The following ACTL8 variants were observed in gnomAD, a reference collection of about 807,000 sequenced individuals.
ACTL8 encodes actin like 8.
In ACTL8, 3 loss-of-function variants were observed where a neutral mutation model predicts 9.3. That is an observed-to-expected ratio of 0.32 (90% CI 0.15 to 0.83). ACTL8 has a LOEUF of 0.83. Among genes scored for constraint, ACTL8 ranks in the 40% least tolerant of loss-of-function variants. The pLI is 0.57. For synonymous variants in ACTL8, 224 were observed against 205.9 expected (o/e 1.09, Z -0.75); for missense variants, 381 against 492.2 (o/e 0.77, Z 2.14).
chr1:17,808,226 C>T (rs1210873018), intron 1 of ACTL8, among the ~76,000 whole-genome samples: 2 of 152,182 alleles, frequency 1.3e-5, no homozygotes, highest in African/African-American at 4.8e-5. Flanking sequence ...GCAAACATTG[C>T]ACAGACTTGA....
chr1:17,787,896 A>G (rs1001713748), intron 1 of ACTL8, among the ~76,000 whole-genome samples: 3 of 152,196 alleles, frequency 2.0e-5, no homozygotes, highest in Non-Finnish European at 4.4e-5. Flanking sequence ...GTTTTCCTGT[A>G]TCTTGCCAGC....
intron 1 of ACTL8, among the ~76,000 whole-genome samples, chr1:17,791,088 T>A (rs1159269677): frequency 6.6e-6 from 1 of 152,092 alleles, no homozygotes; most frequent in Non-Finnish European, 1.5e-5. Context: ...TGGCTGCAGC[T>A]GTGCCTGGCA....
chr1:17,761,067 T>C (rs2065998552), intron 1 of ACTL8, among the ~76,000 whole-genome samples: 1 of 151,834 alleles, frequency 6.6e-6, no homozygotes, highest in Non-Finnish European at 1.5e-5. Flanking sequence ...GGGTGGGTGC[T>C]TCACTGCAGA....
intron 1 of ACTL8, among the ~76,000 whole-genome samples, chr1:17,789,817 C>T (rs1266984405): frequency 3.9e-5 from 6 of 152,080 alleles, no homozygotes; most frequent in East Asian, 1.9e-4. Context: ...CTGACCATAC[C>T]GTTGTTATAG....
chr1:17,781,098 C>G (rs955232545), intron 1 of ACTL8, among the ~76,000 whole-genome samples: 1 of 152,130 alleles, frequency 6.6e-6, no homozygotes, highest in Non-Finnish European at 1.5e-5. Flanking sequence ...TCCTTCCTTC[C>G]TCTTCCAGCT....
intron 1 of ACTL8, among the ~76,000 whole-genome samples, chr1:17,790,723 ACTGT>A (rs934334405): frequency 2.0e-5 from 3 of 152,294 alleles, no homozygotes; most frequent in East Asian, 1.9e-4. Context: ...TACCCAGGAA[ACTGT>A]CTGCCTCCTG....
At chr1:17,768,031 G>T (rs1569995610) in intron 1 of ACTL8, among the ~76,000 whole-genome samples, 1 of 152,158 alleles carries the variant, frequency 6.6e-6, no homozygotes, top group South Asian at 2.1e-4. Context: ...GGCTCCGTGT[G>T]TGTAAGCAAT....
intron 1 of ACTL8, among the ~76,000 whole-genome samples, chr1:17,763,849 A>G (rs923856403): frequency 6.6e-6 from 1 of 152,160 alleles, no homozygotes; most frequent in African/African-American, 2.4e-5. Flanking sequence ...CTCGGGAAAC[A>G]GGGGTTGGCC....
chr1:17,758,934 G>A (rs1238430458), intron 1 of ACTL8, among the ~76,000 whole-genome samples: 1 of 152,184 alleles, frequency 6.6e-6, no homozygotes, highest in African/African-American at 2.4e-5. Context: ...GTGACAGAAT[G>A]TTCCATGGAA....
intron 1 of ACTL8, among the ~76,000 whole-genome samples, chr1:17,812,381 A>G (rs114467466): frequency 0.02 from 3,040 of 149,588 alleles, 103 homozygotes; most frequent in African/African-American, 0.071. Context: ...CATTTTAATG[A>G]TATTGAATTG....
chr1:17,804,192 C>T (rs1426674040), intron 1 of ACTL8, among the ~76,000 whole-genome samples: 1 of 152,228 alleles, frequency 6.6e-6, no homozygotes, highest in Non-Finnish European at 1.5e-5. Flanking sequence ...AGGCCTGCCT[C>T]TTCTTCAGGC....
At chr1:17,788,316 C>A (rs1202674042) in intron 1 of ACTL8, among the ~76,000 whole-genome samples, 1 of 152,216 alleles carries the variant, frequency 6.6e-6, no homozygotes, top group Non-Finnish European at 1.5e-5. Context: ...CCTTTCCACC[C>A]CCTGCTCCTG....
At chr1:17,787,368 A>G (rs904225450) in intron 1 of ACTL8, among the ~76,000 whole-genome samples, 2 of 152,056 alleles carry the variant, frequency 1.3e-5, no homozygotes, top group African/African-American at 2.4e-5. Context: ...AGGCTCAAGC[A>G]ATTCTCATGC....
intron 1 of ACTL8, among the ~76,000 whole-genome samples, chr1:17,800,255 T>G (rs184043367): frequency 7.5e-4 from 114 of 152,350 alleles, no homozygotes; most frequent in African/African-American, 2.5e-3. Flanking sequence ...ATACAAGTCT[T>G]GAGCATCTGA....
At chr1:17,808,607 G>C (rs2066374418) in intron 1 of ACTL8, among the ~76,000 whole-genome samples, 1 of 152,206 alleles carries the variant, frequency 6.6e-6, no homozygotes, top group Admixed American at 6.5e-5. Context: ...TTTATGCGGA[G>C]CAAATAAGAG....
intron 1 of ACTL8, among the ~76,000 whole-genome samples, chr1:17,775,418 C>T (rs1385138053): frequency 1.3e-5 from 2 of 152,138 alleles, no homozygotes; most frequent in Non-Finnish European, 2.9e-5. Context: ...GCTTATTAAC[C>T]AAGCACCGGG....
intron 1 of ACTL8, among the ~76,000 whole-genome samples, chr1:17,769,281 AGT>A (rs746638543): frequency 7.9e-5 from 12 of 152,134 alleles, no homozygotes; most frequent in Non-Finnish European, 1.5e-4. Context: ...GGGGTGGCAG[AGT>A]GTAGGGAGAG....
At chr1:17,820,915 G>T (rs1482390090) in intron 1 of ACTL8, among the ~76,000 whole-genome samples, 1 of 152,164 alleles carries the variant, frequency 6.6e-6, no homozygotes, top group Non-Finnish European at 1.5e-5. Context: ...CACCAGCTGT[G>T]CATGGGATTT....
intron 1 of ACTL8, among the ~76,000 whole-genome samples, chr1:17,795,946 C>T (rs2066273765): frequency 6.6e-6 from 1 of 152,216 alleles, no homozygotes; most frequent in South Asian, 2.1e-4. Context: ...CTCAGCATCT[C>T]ATTCCCCTGA....
Sources: gnomAD v4.1 joint callset for allele counts (sites outside exome capture counted in the v4.1 genomes callset) on GRCh38, gnomAD v4.1.1 for gene constraint, MANE v1.5 for transcripts, NCBI Gene and HGNC (gene_info 2026-07-23, HGNC 2026-07-21) for gene names.